METTL15: variants seen among roughly 807,000 people sequenced by gnomAD.
The protein encoded by METTL15 is 12S rRNA N(4)-cytidine methyltransferase METTL15.
Under a neutral mutation model 38.3 loss-of-function variants are expected in METTL15, and 34 were observed. The ratio of observed to expected loss-of-function variants is 0.89; its 90% confidence interval spans 0.68 to 1.18. METTL15 has a LOEUF of 1.18. Among genes scored for constraint, METTL15 ranks in the 50% most tolerant of loss-of-function variants. The pLI is 0.00. For missense variants in METTL15, 438 were observed against 498.4 expected (o/e 0.88, Z 1.15); for synonymous variants, 162 against 170.9 (o/e 0.95, Z 0.41).
At chr11:28,235,281 C>T (rs1252610359) in intron 4 of METTL15, among the ~76,000 whole-genome samples, 6 of 151,410 alleles carry the variant, frequency 4.0e-5, no homozygotes, top group East Asian at 3.9e-4. Flanking sequence ...ATTGACTTGG[C>T]GATGCGGGCT....
intron 3 of METTL15, among the ~76,000 whole-genome samples, chr11:28,200,480 C>G (rs908272921): frequency 2.6e-5 from 4 of 152,104 alleles, no homozygotes; most frequent in Non-Finnish European, 5.9e-5. Flanking sequence ...TATTATTACT[C>G]TTCATTCCTG....
chr11:28,420,516 G>A (rs562995847), intron 5 of METTL15, among the ~76,000 whole-genome samples: 7 of 152,014 alleles, frequency 4.6e-5, no homozygotes, highest in Non-Finnish European at 8.8e-5. Flanking sequence ...ATAATATTAA[G>A]TATCTTCTCT....
At chr11:28,258,142 C>G (rs1237084880) in intron 4 of METTL15, among the ~76,000 whole-genome samples, 1 of 152,170 alleles carries the variant, frequency 6.6e-6, no homozygotes, top group Non-Finnish European at 1.5e-5. Flanking sequence ...AGAGGTACTG[C>G]CTTGATGGTC....
At chr11:28,367,213 AAAG>A (rs1850194940) in intron 5 of METTL15, among the ~76,000 whole-genome samples, 1 of 151,912 alleles carries the variant, frequency 6.6e-6, no homozygotes. Flanking sequence ...AAAAAAAAAA[AAAG>A]GAGAGCTAGG....
At chr11:28,168,212 A>G (rs1029990056) in intron 3 of METTL15, among the ~76,000 whole-genome samples, 9 of 151,514 alleles carry the variant, frequency 5.9e-5, no homozygotes, top group Middle Eastern at 6.8e-3. Context: ...TTTCTTTTAG[A>G]AAAAATAAGA....
At chr11:28,448,849 A>T (rs1019832098) in intron 6 of METTL15, among the ~76,000 whole-genome samples, 1 of 120,304 alleles carries the variant, frequency 8.3e-6, no homozygotes, top group Non-Finnish European at 2.0e-5. Context: ...ATTGAAAATA[A>T]ATGTATAATA....
chr11:28,137,206 C>A (rs887038973), intron 3 of METTL15, among the ~76,000 whole-genome samples: 1 of 152,126 alleles, frequency 6.6e-6, no homozygotes, highest in Admixed American at 6.6e-5. Flanking sequence ...CCGTATAATA[C>A]CTTTTTGAAG....
Position 28,113,575 on chromosome 11 carries a change from G to T in METTL15, c.241G>T (p.Val81Phe), listed in dbSNP as rs142486198. 26 of 1,611,028 alleles carry T rather than the reference G, an allele frequency of 1.6e-5. No homozygotes were observed. Among genetic ancestry groups the T allele is most frequent in the South Asian group, 1.2e-4 (11 of 90,454 alleles). Residue 81 changes from valine (V) to phenylalanine (F), a missense_variant, in exon 3 of 7, where the codon GTT becomes TTT. By Grantham distance (50) the Val-to-Phe change is conservative. Coordinates refer to ENST00000407364, the MANE Select transcript of METTL15 (RefSeq NM_001113528.2). ...LHIPVMVDEV[V>F]HCLSPQKGQI... The stretch of plus-strand genomic sequence containing the variant: ...TATTCCAGTAATGGTGGATGAAGTT[G>T]TTCATTGTTTGTCACCACAAAAAGG...
intron 5 of METTL15, among the ~76,000 whole-genome samples, chr11:28,393,429 A>C (rs954392333): frequency 6.6e-6 from 1 of 152,142 alleles, no homozygotes; most frequent in African/African-American, 2.4e-5. Context: ...CACGGTGTCT[A>C]TGGGTCAGGA....
intron 3 of METTL15, among the ~76,000 whole-genome samples, chr11:28,142,388 T>C (rs540068808): frequency 1.2e-3 from 178 of 152,300 alleles, no homozygotes; most frequent in Non-Finnish European, 1.5e-3. Context: ...AGTTTACTTA[T>C]TTTTGGGTAA....
intron 4 of METTL15, among the ~76,000 whole-genome samples, chr11:28,231,552 G>A (rs1186842438): frequency 6.6e-6 from 1 of 151,680 alleles, no homozygotes; most frequent in Non-Finnish European, 1.5e-5. Context: ...TACCACAGGA[G>A]GCCATTGAGG....
intron 5 of METTL15, among the ~76,000 whole-genome samples, chr11:28,364,020 A>C (rs1163298160): frequency 6.6e-6 from 1 of 151,900 alleles, no homozygotes; most frequent in South Asian, 2.1e-4. Context: ...TGGGTTCTCT[A>C]TTCTGTTTCG....
chr11:28,207,744 C>G (rs917400751), intron 3 of METTL15, among the ~76,000 whole-genome samples: 1 of 151,746 alleles, frequency 6.6e-6, no homozygotes, highest in African/African-American at 2.4e-5. Context: ...GGTCCTGGAC[C>G]CTTTTTGGAT....
chr11:28,262,459 TTATA>T (rs1340878833), intron 4 of METTL15, among the ~76,000 whole-genome samples: 4 of 151,696 alleles, frequency 2.6e-5, no homozygotes, highest in Admixed American at 2.6e-4. Context: ...CTACATAGTC[TTATA>T]TATATGTGTA....
At chr11:28,171,773 CCTCTCT>C (rs373840016) in intron 3 of METTL15, among the ~76,000 whole-genome samples, 4 of 147,924 alleles carry the variant, frequency 2.7e-5, no homozygotes, top group South Asian at 2.1e-4. Flanking sequence ...CTGCCCGCCG[CCTCTCT>C]CTCTCTCTCT....
chr11:28,306,755 T>C (rs1252616939), intron 6 of METTL15, among the ~76,000 whole-genome samples: 1 of 152,022 alleles, frequency 6.6e-6, no homozygotes, highest in Non-Finnish European at 1.5e-5. Context: ...TTCCCAATTT[T>C]AATGGATTGA....
chr11:28,299,716 G>A (rs904708283), intron 6 of METTL15, among the ~76,000 whole-genome samples: 1 of 152,044 alleles, frequency 6.6e-6, no homozygotes, highest in African/African-American at 2.4e-5. Flanking sequence ...GGTTTCCTCG[G>A]GCTGCTGCTA....
chr11:28,478,089 T>A (rs1477038328), intron 6 of METTL15, among the ~76,000 whole-genome samples: 1 of 152,210 alleles, frequency 6.6e-6, no homozygotes, highest in Non-Finnish European at 1.5e-5. Context: ...TAAAACTTTA[T>A]TTTATATTTT....
At chr11:28,254,775 G>T (rs1205584756) in intron 4 of METTL15, among the ~76,000 whole-genome samples, 2 of 152,052 alleles carry the variant, frequency 1.3e-5, no homozygotes, top group African/African-American at 4.8e-5. Context: ...TGTGTAAAAT[G>T]AATTCACTGT....
Sources: gnomAD v4.1 joint callset for allele counts (sites outside exome capture counted in the v4.1 genomes callset) on GRCh38, gnomAD v4.1.1 for gene constraint, MANE v1.5 for transcripts, NCBI Gene and HGNC (gene_info 2026-07-23, HGNC 2026-07-21) for gene names.